The following OPA1 variants were observed in gnomAD, a reference collection of about 807,000 sequenced individuals.
The protein encoded by OPA1 is dynamin-like GTPase OPA1, mitochondrial.
In OPA1, 59 loss-of-function variants were observed where a neutral mutation model predicts 152.9. The ratio of observed to expected loss-of-function variants is 0.39; its 90% confidence interval spans 0.31 to 0.48. OPA1 has a LOEUF of 0.48. Ranked by LOEUF, OPA1 falls within the 20% of genes least tolerant of loss-of-function variation. The pLI, the probability that OPA1 is intolerant of heterozygous loss-of-function variation, is 0.96. For synonymous variants in OPA1, 400 were observed against 389.9 expected (o/e 1.03, Z -0.31); for missense variants, 1,008 against 1,216.8 (o/e 0.83, Z 2.55).
chr3:193,661,226 G>A (rs371856459), intron 25 of OPA1, among the ~76,000 whole-genome samples: 38 of 152,322 alleles, frequency 2.5e-4, no homozygotes, highest in African/African-American at 8.9e-4. Context: ...TTACAGAAGA[G>A]CCTTCTCCCC....
At chr3:193,633,685 C>G (rs1732467556) in intron 8 of OPA1, among the ~76,000 whole-genome samples, 1 of 151,930 alleles carries the variant, frequency 6.6e-6, no homozygotes, top group African/African-American at 2.4e-5. Context: ...TATATTTAAC[C>G]CAGTCTATCC....
intron 27 of OPA1, 37 bp from the exon 28 acceptor site, chr3:193,666,259 C>A: frequency 1.3e-6 from 2 of 1,549,516 alleles, no homozygotes; most frequent in Non-Finnish European, 1.8e-6. Flanking sequence ...TTCATTTTAA[C>A]TTTGCATCTG....
At chr3:193,632,082 TCTGGCA>T (rs1218908623) in intron 8 of OPA1, among the ~76,000 whole-genome samples, 3 of 152,226 alleles carry the variant, frequency 2.0e-5, no homozygotes, top group African/African-American at 7.2e-5. Context: ...TAAAGCTCTT[TCTGGCA>T]CTACTTAGAA....
At position 193,662,914 on chromosome 3, in the gene OPA1, A is replaced by G; in HGVS notation, c.2613A>G (p.Thr871=). The change falls in exon 26 of 31, where the codon ACA becomes ACG. Residue 871 remains threonine, a synonymous_variant. Coordinates refer to ENST00000361510, the MANE Select transcript of OPA1 (RefSeq NM_130837.3). The part of the protein sequence containing the change: ...PAYLASDEIT[T]VRKNLESRGV... ...ATCTTGCAAGTGATGAAATAACCAC[A>G]GTCCGGAAGAACCTTGAATCCCGAG... is the stretch of plus-strand genomic sequence containing the variant. 6.2e-7 allele frequency: 1 copy of G among 1,613,722 alleles called. No homozygotes were observed. Among genetic ancestry groups the G allele is most frequent in the Non-Finnish European group, 8.5e-7 (1 of 1,179,668 alleles).
chr3:193,599,757 T>G lies in OPA1; in HGVS notation c.32+6348T>G, dbSNP rs540995528. On this transcript the variant is annotated intron_variant, in intron 1 of 30. Transcript: ENST00000361510. The stretch of plus-strand genomic sequence containing the variant: ...AAGAAAACTTCAGACAAGTTAAATT[T>G]GATGGAGTTTAATTGAGCAAAGAAA... Among the ~76,000 whole-genome samples the G allele has an allele frequency of 6.6e-5, 10 of 152,306 alleles. 1 individual carries two copies. The South Asian group carries it at 1.9e-3, about 28-fold the overall frequency.
rs765605983 is a variant in OPA1 at position 193,666,352 on chromosome 3, C to T, written c.2835C>T (p.Thr945=). The T allele has an allele frequency of 2.4e-5, 39 of 1,613,936 alleles. No individual in the cohort carries two copies. In the Admixed American group the frequency reaches 3.3e-4, roughly 14 times the overall value. ...FWRIQRMLAI[T]ANTLRQQLTN... ...GTATACAGCGCATGCTTGCTATCAC[C>T]GCAAATACTTTAAGGCAACAACTTA... Residue 945 remains threonine (T), a synonymous_variant, in exon 28 of 31, where the codon ACC becomes ACT. Transcript: ENST00000361510.
At chr3:193,599,044 C>T (rs1726052700) in intron 1 of OPA1, among the ~76,000 whole-genome samples, 1 of 152,128 alleles carries the variant, frequency 6.6e-6, no homozygotes, top group South Asian at 2.1e-4. Flanking sequence ...CCTAGTCTGG[C>T]GAGTATCTGC....
chr3:193,688,745 C>A (rs929917007), intron 29 of OPA1, among the ~76,000 whole-genome samples: 1 of 152,072 alleles, frequency 6.6e-6, no homozygotes, highest in South Asian at 2.1e-4. Context: ...GTTTGTGAAG[C>A]CGAGTGGGGA....
Position 193,618,885 on chromosome 3 carries a change from G to A in OPA1, c.627G>A (p.Thr209=), listed in dbSNP as rs773472534. 9.3e-6 allele frequency: 15 copies of A among 1,613,752 alleles called. No individual in the cohort carries two copies. Among genetic ancestry groups the A allele is most frequent in the Admixed American group, 6.7e-5 (4 of 60,022 alleles). ...ATCTTTAAGGTTCTCCGGAAGAAAC[G>A]GCGTTTAGAGCAACAGATCGTGGAT... ...LLLLLGSPEE[T]AFRATDRGSE... is the part of the protein sequence containing the mutation. The change falls in exon 6 of 31, where the codon ACG becomes ACA. Residue 209 remains threonine (T), a synonymous_variant. Coordinates refer to ENST00000361510, the MANE Select transcript of OPA1 (RefSeq NM_130837.3).
At chr3:193,650,128 A>G (rs1712030682) in intron 21 of OPA1, among the ~76,000 whole-genome samples, 1 of 152,198 alleles carries the variant, frequency 6.6e-6, no homozygotes, top group African/African-American at 2.4e-5. Context: ...CAACCCTGAA[A>G]TCAAAGTATT....
chr3:193,641,016 C>G (rs1039437315), intron 11 of OPA1, among the ~76,000 whole-genome samples: 1 of 152,042 alleles, frequency 6.6e-6, no homozygotes. Flanking sequence ...CTTTACATAT[C>G]CATTTTACTA....
chr3:193,631,289 C>T (rs996104772), intron 7 of OPA1, among the ~76,000 whole-genome samples: 1 of 152,162 alleles, frequency 6.6e-6, no homozygotes, highest in Non-Finnish European at 1.5e-5. Flanking sequence ...TAGTACAAAA[C>T]AACTTCTGAA....
chr3:193,625,666 AACTT>A (rs1266442613), intron 6 of OPA1, among the ~76,000 whole-genome samples: 2 of 152,092 alleles, frequency 1.3e-5, no homozygotes, highest in Non-Finnish European at 2.9e-5. Flanking sequence ...AAAAAATACT[AACTT>A]AAGAATAATA....
intron 29 of OPA1, among the ~76,000 whole-genome samples, chr3:193,675,349 A>C (rs1718764248): frequency 2.0e-5 from 3 of 151,314 alleles, no homozygotes; most frequent in African/African-American, 7.3e-5. Context: ...AAAAAAAAAA[A>C]ACACCCAATC....
chr3:193,646,972 C>T (rs1734748051), intron 18 of OPA1, 93 bp from the exon 19 acceptor site: 42 of 763,094 alleles, frequency 5.5e-5, no homozygotes, highest in Middle Eastern at 5.3e-4. Context: ...GTAAGAGTGG[C>T]TGTTAGCAAG....
chr3:193,673,891 A>G (rs6444737), intron 29 of OPA1, among the ~76,000 whole-genome samples: 75,390 of 152,120 alleles, frequency 0.5, 19,092 homozygotes, highest in African/African-American at 0.56. Context: ...GTTAAAAGCA[A>G]TATAGCTTAA....
At chr3:193,685,712 G>A (rs939256240) in intron 29 of OPA1, among the ~76,000 whole-genome samples, 1 of 151,768 alleles carries the variant, frequency 6.6e-6, no homozygotes, top group African/African-American at 2.4e-5. Context: ...GGCAATTTGT[G>A]GTTACATATT....
chr3:193,666,500 A>G (rs1716568188), intron 28 of OPA1, 111 bp downstream of exon 28: 1 of 945,962 alleles, frequency 1.1e-6, no homozygotes, highest in Non-Finnish European at 1.7e-6. Flanking sequence ...ATTTATTAGA[A>G]AAACTGGCCA....
At chr3:193,672,876 A>C (rs1718242698) in intron 29 of OPA1, among the ~76,000 whole-genome samples, 1 of 152,018 alleles carries the variant, frequency 6.6e-6, no homozygotes, top group Non-Finnish European at 1.5e-5. Context: ...CTCAAAAAAA[A>C]AAAAAAAACG....
Sources: gnomAD v4.1 joint callset for allele counts (sites outside exome capture counted in the v4.1 genomes callset) on GRCh38, gnomAD v4.1.1 for gene constraint, MANE v1.5 for transcripts, NCBI Gene and HGNC (gene_info 2026-07-23, HGNC 2026-07-21) for gene names.